The following AGFG1 variants were observed in gnomAD, a reference collection of about 807,000 sequenced individuals.
The protein encoded by AGFG1 is ArfGAP with FG repeats 1.
AGFG1 carries 10 observed loss-of-function variants against 60.6 expected under a neutral mutation model. The observed-to-expected ratio is 0.16, with a 90% CI of 0.10 to 0.28. The LOEUF (loss-of-function observed/expected upper bound fraction) is 0.28, where lower values mean the gene tolerates loss of function less well. AGFG1 is among the 10% of genes least tolerant of loss of function. AGFG1 has a pLI of 1.00. For synonymous variants in AGFG1, 247 were observed against 242.9 expected (o/e 1.02, Z -0.16); for missense variants, 537 against 676.5 (o/e 0.79, Z 2.29).
chr2:227,527,596 A>G (rs1297609814), intron 5 of AGFG1, among the ~76,000 whole-genome samples: 1 of 152,232 alleles, frequency 6.6e-6, no homozygotes, highest in East Asian at 1.9e-4. Context: ...GGAAATGCGT[A>G]TGGAATCTAT....
chr2:227,505,862 C>G (rs965330104), intron 2 of AGFG1, among the ~76,000 whole-genome samples: 2 of 152,080 alleles, frequency 1.3e-5, no homozygotes, highest in Non-Finnish European at 2.9e-5. Flanking sequence ...CTCAGCCTCC[C>G]GAGTAGCTGG....
At chr2:227,537,043 A>G (rs768996789) in intron 10 of AGFG1, 50 bp downstream of exon 10, 19 of 1,498,120 alleles carry the variant, frequency 1.3e-5, no homozygotes, top group Non-Finnish European at 1.8e-5. Context: ...GACATTTATC[A>G]ACAAAGACAC....
At chr2:227,539,164 C>T (rs926873219) in intron 10 of AGFG1, among the ~76,000 whole-genome samples, 10 of 151,908 alleles carry the variant, frequency 6.6e-5, no homozygotes, top group Non-Finnish European at 1.5e-4. Flanking sequence ...TAACACTGGC[C>T]AGGCACAGTG....
At chr2:227,546,715 T>C (rs1692659750) in intron 10 of AGFG1, among the ~76,000 whole-genome samples, 1 of 152,204 alleles carries the variant, frequency 6.6e-6, no homozygotes, top group Non-Finnish European at 1.5e-5. Context: ...TCAGATTCTA[T>C]GATATTTAGT....
rs1690567498 is a variant in AGFG1, at chr2:227,484,677, GTTTTTTTTTTGTT to G, written c.168-6859_168-6847del. Reference sequence around the variant, plus strand: ...AAGCTTCTTTAATGAAGATCTCTTAGTTTTTTTTTTGTTTTTTTTTTTTTTTTTTTTTTTTTTT... The same window carrying G: ...AAGCTTCTTTAATGAAGATCTCTTAGTTTTTTTTTTTTTTTTTTTTTTTTT... On this transcript the variant is annotated intron_variant, in intron 1 of 12. Coordinates refer to ENST00000310078, the MANE Select transcript of AGFG1 (RefSeq NM_004504.5). 2.6e-4 allele frequency among the ~76,000 whole-genome samples: 30 copies of G among 115,904 alleles called. 2 individuals carry two copies. The highest frequency in any genetic ancestry group is 8.7e-4 in the African/African-American group (26 of 29,920). 76.0% of individuals were successfully genotyped at this position (115,904 alleles called of 152,430 possible). A position where few individuals can be genotyped will look rare whatever the true frequency, so the allele number is the denominator to read the frequency against.
chr2:227,508,040 A>G (rs1456562136), intron 2 of AGFG1, among the ~76,000 whole-genome samples: 1 of 151,038 alleles, frequency 6.6e-6, no homozygotes, highest in Admixed American at 6.6e-5. Context: ...CCACCCGTGT[A>G]TTCAGAAATG....
intron 11 of AGFG1, 63 bp from the exon 12 acceptor site, chr2:227,553,640 CT>C (rs1433809914): frequency 7.5e-7 from 1 of 1,327,708 alleles, no homozygotes; most frequent in African/African-American, 1.5e-5. Flanking sequence ...TATTATGAGG[CT>C]TTATAAGCAT....
intron 10 of AGFG1, among the ~76,000 whole-genome samples, chr2:227,537,571 T>C (rs2106225957): frequency 6.6e-6 from 1 of 152,310 alleles, no homozygotes; most frequent in East Asian, 1.9e-4. Context: ...TTAATTCTCT[T>C]TGTTGTCTCC....
chr2:227,486,431 C>T (rs1690640566), intron 1 of AGFG1, among the ~76,000 whole-genome samples: 1 of 152,044 alleles, frequency 6.6e-6, no homozygotes, highest in South Asian at 2.1e-4. Flanking sequence ...TGTAAAGTGC[C>T]AGTCTAGATA....
chr2:227,533,786 A>G (rs759716427), intron 7 of AGFG1, 28 bp downstream of exon 7: 3 of 1,578,552 alleles, frequency 1.9e-6, no homozygotes, highest in Non-Finnish European at 2.6e-6. Context: ...AAACAAATAC[A>G]AATTTGTGTT....
At chr2:227,472,658 G>T in intron 1 of AGFG1, 70 bp downstream of exon 1, 3 of 1,492,444 alleles carry the variant, frequency 2.0e-6, no homozygotes, top group Non-Finnish European at 2.7e-6. Flanking sequence ...GCGGGACCGG[G>T]ACCCTTCCGG....
Position 227,472,271 on chromosome 2 carries a change from C to A in AGFG1, c.-151C>A. On this transcript the variant is annotated 5_prime_UTR_variant, in exon 1 of 13. Coordinates refer to ENST00000310078, the MANE Select transcript of AGFG1 (RefSeq NM_004504.5). The stretch of plus-strand genomic sequence containing the variant: ...CGCCCGGGCCGCGTCGAGCCCAGTA[C>A]AGCCAAGCCGCTGCGGCCGGGTCCG... The A allele has an allele frequency of 6.2e-6, 2 of 324,558 alleles. No homozygotes were observed. Among genetic ancestry groups the A allele is most frequent in the Non-Finnish European group, 8.8e-6 (2 of 226,278 alleles). The allele number at this position is 324,558 out of a possible 1,614,324, so 20.1% of individuals were successfully genotyped here.
chr2:227,517,504 T>C (rs1185444397), intron 2 of AGFG1, among the ~76,000 whole-genome samples: 1 of 152,146 alleles, frequency 6.6e-6, no homozygotes, highest in African/African-American at 2.4e-5. Context: ...TCTCCTGACC[T>C]CATGATCCGC....
intron 10 of AGFG1, among the ~76,000 whole-genome samples, chr2:227,537,208 C>T (rs1391940945): frequency 6.6e-6 from 1 of 152,098 alleles, no homozygotes; most frequent in Non-Finnish European, 1.5e-5. Context: ...CTAGTGTCTG[C>T]CCTTTCCAGT....
intron 2 of AGFG1, among the ~76,000 whole-genome samples, chr2:227,501,381 C>G (rs1691149978): frequency 6.6e-6 from 1 of 152,136 alleles, no homozygotes; most frequent in African/African-American, 2.4e-5. Context: ...GGGCCTAACC[C>G]AGTATATCTA....
In AGFG1 at chr2:227,558,248, A is replaced by G. The variant is rs1435708908; in HGVS notation, c.*3753A>G. 6.6e-6 allele frequency: 1 copy of G among 152,202 alleles called. No individual in the cohort carries two copies. Among genetic ancestry groups the G allele is most frequent in the Non-Finnish European group, 1.5e-5 (1 of 68,022 alleles). The allele number at this position is 152,202 out of a possible 1,614,324, so 9.4% of individuals were successfully genotyped here. A position where few individuals can be genotyped will look rare whatever the true frequency, so the allele number is the denominator to read the frequency against. Reference sequence around the variant, plus strand: ...GCTCTGGGGAACAGATTTGGATTAAATGCTATCACATTTATATATGAATGC... The same window carrying G: ...GCTCTGGGGAACAGATTTGGATTAAGTGCTATCACATTTATATATGAATGC... On this transcript the variant is annotated 3_prime_UTR_variant, in exon 13 of 13. Transcript: ENST00000310078.
Position 227,491,584 on chromosome 2 carries a change from TC to T in AGFG1, c.207del (p.Met70Ter). The T allele has an allele frequency of 6.4e-7, 1 of 1,567,054 alleles. No homozygotes were observed. The highest frequency in any genetic ancestry group is 1.2e-5 in the South Asian group (1 of 80,488). On this transcript the variant is annotated frameshift_variant, in exon 2 of 13. Coordinates refer to ENST00000310078, the MANE Select transcript of AGFG1 (RefSeq NM_004504.5). LOFTEE classifies it high-confidence loss of function. ...TCCACCACACAGGGTGAAATCTATC[TC>T]CATGACAACATTCACACAACAGGAA... Reference protein sequence around the residue: ...LNPPHRVKSISMTTFTQQEIE... With the variant: ...LNPPHRVKSIXMTTFTQQEIE...
rs545439557 is a variant in AGFG1 at position 227,555,413 on chromosome 2, A to C, written c.*918A>C. 1 of 152,578 alleles carries C rather than the reference A, an allele frequency of 6.6e-6. No individual in the cohort carries two copies. The highest frequency in any genetic ancestry group is 1.5e-5 in the Non-Finnish European group (1 of 68,002). 9.5% of individuals were successfully genotyped at this position (152,578 alleles called of 1,614,324 possible). A position where few individuals can be genotyped will look rare whatever the true frequency, so the allele number is the denominator to read the frequency against. ...GAATTTGCATGTATGTGTATTTACA[A>C]ATTTTTCTAAGTATCTTGAATTCTC... On this transcript the variant is annotated 3_prime_UTR_variant, in exon 13 of 13. Coordinates refer to ENST00000310078, the MANE Select transcript of AGFG1 (RefSeq NM_004504.5).
intron 3 of AGFG1, among the ~76,000 whole-genome samples, chr2:227,521,322 C>T (rs1193344679): frequency 6.6e-6 from 1 of 152,164 alleles, no homozygotes; most frequent in African/African-American, 2.4e-5. Flanking sequence ...CTGCCTCAGC[C>T]TCCCAAAGTG....
Sources: allele counts gnomAD v4.1 joint callset (sites outside exome capture counted in the v4.1 genomes callset), GRCh38; gene constraint gnomAD v4.1.1; transcripts MANE v1.5; gene names NCBI Gene and HGNC (gene_info 2026-07-23, HGNC 2026-07-21).